Variants in MYO7B observed in about 807,000 individuals in gnomAD.
MYO7B encodes the protein myosin VIIB, also known as unconventional myosin-VIIb.
In MYO7B, 212 loss-of-function variants were observed where a neutral mutation model predicts 259.7. The ratio of observed to expected loss-of-function variants is 0.82; its 90% CI spans 0.73 to 0.91. The LOEUF is 0.91. Among genes scored for constraint, MYO7B ranks in the 40% least tolerant of loss-of-function variants. MYO7B has a pLI of 0.00. For synonymous variants in MYO7B, 1,197 were observed against 1,166.4 expected, an observed-to-expected ratio of 1.03 and a Z score of -0.54; for missense variants, 2,732 against 2,813.5, an observed-to-expected ratio of 0.97 and a Z score of 0.66.
At position 127,634,572 on chromosome 2, in the gene MYO7B, TCCCTGTACCTTC is replaced by T; in HGVS notation, c.5626-19_5626-8del. Reference sequence around the variant, plus strand: ...GACAGTCCCCGGAAGCCACCCAACTTCCCTGTACCTTCCCCTTCCCCAGGTCATCAGCCAGAA... The same window carrying T: ...GACAGTCCCCGGAAGCCACCCAACTTCCCTTCCCCAGGTCATCAGCCAGAA... On this transcript the variant is annotated splice_polypyrimidine_tract_variant and intron_variant, in intron 41 of 47. Transcript: ENST00000409816. The T allele has an allele frequency of 6.3e-7, 1 of 1,598,838 alleles. No individual in the cohort carries two copies. Among genetic ancestry groups the T allele is most frequent in the Non-Finnish European group, 8.5e-7 (1 of 1,171,168 alleles).
rs553254837 is a variant in MYO7B, at chr2:127,561,717, T to A, written c.18+1977T>A. Among the ~76,000 whole-genome samples the A allele has an allele frequency of 5.3e-5, 8 of 152,324 alleles. No individual in the cohort carries two copies. In the South Asian group the frequency reaches 1.7e-3, roughly 32 times the overall value. ...TTAAGGTTCAGAGCAGTTAAGTGACTTTCCCAAGGCCGTATAACTCCTGTA... is the reference window on the plus strand; with the variant it reads ...TTAAGGTTCAGAGCAGTTAAGTGACATTCCCAAGGCCGTATAACTCCTGTA... On this transcript the variant is annotated intron_variant, in intron 2 of 47. Coordinates refer to ENST00000409816, the MANE Select transcript of MYO7B (RefSeq NM_001393586.1).
chr2:127,634,985 G>A (rs1681721466), intron 42 of MYO7B, 135 bp from the exon 43 acceptor site: 3 of 723,926 alleles, frequency 4.1e-6, no homozygotes, highest in East Asian at 5.4e-5. Flanking sequence ...GAAGGAAAAT[G>A]TGGGGACTGG....
chr2:127,607,345 A>T lies in MYO7B; in HGVS notation c.2564A>T (p.Lys855Met). The part of the protein sequence containing the change: ...GYLVRQQVQA[K>M]RRAVVVIQAH... ...CTGGTGCGCCAGCAAGTCCAGGCCAAGAGGAGGGCAGTGGTGGTCATTCAG... is the reference window on the plus strand; with the variant it reads ...CTGGTGCGCCAGCAAGTCCAGGCCATGAGGAGGGCAGTGGTGGTCATTCAG... Residue 855 changes from lysine (K) to methionine (M), a missense_variant, in exon 21 of 48, where the codon AAG (lysine) becomes ATG (methionine). By Grantham distance (95) the Lys-to-Met change is moderately conservative. Around this residue, in one of 3 missense-constraint regions of MYO7B, gnomAD observed 1,906 missense variants for 2,026.4 expected, o/e 0.94. Coordinates refer to ENST00000409816, the MANE Select transcript of MYO7B (RefSeq NM_001393586.1). The surrounding 1 kb of genome is among the most constrained non-coding windows in gnomAD (Gnocchi z 4.4). 6.4e-7 allele frequency: 1 copy of T among 1,551,490 alleles called. No homozygotes were observed. The highest frequency in any genetic ancestry group is 2.4e-5 in the East Asian group (1 of 40,928).
chr2:127,590,989 G>A lies in MYO7B; in HGVS notation c.1992+760G>A, dbSNP rs1181159589. On this transcript the variant is annotated intron_variant, in intron 16 of 47. Coordinates refer to ENST00000409816, the MANE Select transcript of MYO7B (RefSeq NM_001393586.1). The surrounding 1 kb of genome is among the most constrained non-coding windows in gnomAD (Gnocchi z 4.6). Reference sequence around the variant, plus strand: ...CGGGAGGATTGCTTGAGGCAAGCCTGGGCAACATAGTAAGACCTTATCTCT... The same window carrying A: ...CGGGAGGATTGCTTGAGGCAAGCCTAGGCAACATAGTAAGACCTTATCTCT... 6.6e-6 allele frequency among the ~76,000 whole-genome samples: 1 copy of A among 152,190 alleles called. No individual in the cohort carries two copies. Among genetic ancestry groups the A allele is most frequent in the Non-Finnish European group, 1.5e-5 (1 of 68,036 alleles).
intron 26 of MYO7B, among the ~76,000 whole-genome samples, chr2:127,618,863 C>A (rs1680695316): frequency 6.6e-6 from 1 of 152,184 alleles, no homozygotes; most frequent in African/African-American, 2.4e-5. Context: ...GGAGGCCAGG[C>A]AGGGCTGCTA....
At chr2:127,629,551 C>T (rs917267916) in intron 34 of MYO7B, 94 bp from the exon 35 acceptor site, 14 of 1,260,894 alleles carry the variant, frequency 1.1e-5, no homozygotes, top group Admixed American at 4.8e-5. Context: ...CTCTATGCCT[C>T]GGTTTCATCT....
chr2:127,605,597 A>G (rs1053058973), intron 19 of MYO7B, among the ~76,000 whole-genome samples: 2 of 152,054 alleles, frequency 1.3e-5, no homozygotes, highest in African/African-American at 4.8e-5. Context: ...AACTCCATCT[A>G]AAAAAACAAA....
In MYO7B at chr2:127,607,134, G is replaced by C; in HGVS notation, c.2425-72G>C. On this transcript the variant is annotated intron_variant, in intron 20 of 47. Coordinates refer to ENST00000409816, the MANE Select transcript of MYO7B (RefSeq NM_001393586.1). The surrounding 1 kb of genome is among the most constrained non-coding windows in gnomAD (Gnocchi z 4.4). ...GTAAATCTATCTTGCACTGCCTCCT[G>C]GGGAGCACCCCTCTCTGTTTCCTGG... 3 of 1,409,858 alleles carry C rather than the reference G, an allele frequency of 2.1e-6. No homozygotes were observed. The South Asian group carries it at 4.1e-5, about 19-fold the overall frequency. 87.3% of individuals were successfully genotyped at this position (1,409,858 alleles called of 1,614,324 possible).
At chr2:127,558,541 C>A (rs1197925568) in intron 1 of MYO7B, among the ~76,000 whole-genome samples, 1 of 152,198 alleles carries the variant, frequency 6.6e-6, no homozygotes, top group African/African-American at 2.4e-5. Flanking sequence ...AAGATACTTG[C>A]ACGCACATGT....
At chr2:127,629,587 C>T in intron 34 of MYO7B, 58 bp from the exon 35 acceptor site, 1 of 1,522,808 alleles carries the variant, frequency 6.6e-7, no homozygotes. Context: ...CCACAAAATT[C>T]CAGCACAGCC....
At chr2:127,601,041 A>C (rs1216973538) in intron 19 of MYO7B, among the ~76,000 whole-genome samples, 1 of 152,198 alleles carries the variant, frequency 6.6e-6, no homozygotes, top group South Asian at 2.1e-4. Context: ...ATTCACTTTC[A>C]CTCAGAAGAA....
chr2:127,631,391 C>A (rs1183054130), intron 37 of MYO7B, 28 bp downstream of exon 37: 1 of 1,590,784 alleles, frequency 6.3e-7, no homozygotes, highest in Non-Finnish European at 8.6e-7. Flanking sequence ...CCTGCCTGCA[C>A]CTCGTCAATG....
At position 127,614,262 on chromosome 2, in the gene MYO7B, A is replaced by C. The variant is rs1391320803; in HGVS notation, c.3398+1659A>C. Among the ~76,000 whole-genome samples, 1 of 151,716 alleles carries C rather than the reference A, an allele frequency of 6.6e-6. No individual in the cohort carries two copies. Among genetic ancestry groups the C allele is most frequent in the East Asian group, 1.9e-4 (1 of 5,170 alleles). ...ACTGATCCCTTGAGACTTCCTACTG[A>C]CTCTAGGCTGAAGTGGAACATCCCA... is the stretch of plus-strand genomic sequence containing the variant. On this transcript the variant is annotated intron_variant, in intron 26 of 47. Transcript: ENST00000409816. The surrounding 1 kb of genome is among the most constrained non-coding windows in gnomAD (Gnocchi z 4.6).
chr2:127,629,480 T>C (rs1335065262), intron 34 of MYO7B, among the ~76,000 whole-genome samples, 165 bp from the exon 35 acceptor site: 4 of 152,174 alleles, frequency 2.6e-5, no homozygotes, highest in Non-Finnish European at 5.9e-5. Context: ...GACAGCCGTC[T>C]GAGGCCCCTG....
At position 127,611,024 on chromosome 2, in the gene MYO7B, C is replaced by A. The variant is rs1476799835; in HGVS notation, c.3192+1008C>A. On this transcript the variant is annotated intron_variant, in intron 24 of 47. Transcript: ENST00000409816. The surrounding 1 kb of genome is among the most constrained non-coding windows in gnomAD (Gnocchi z 5.4). ...GCAGCTTAGCTGCATAGTCCCAGTT[C>A]AGGGTCCCTCATGAGGTTGCTGTCA... 6.6e-6 allele frequency among the ~76,000 whole-genome samples: 1 copy of A among 152,250 alleles called. No individual in the cohort carries two copies. Among genetic ancestry groups the A allele is most frequent in the Non-Finnish European group, 1.5e-5 (1 of 68,048 alleles).
chr2:127,601,145 T>A lies in MYO7B; in HGVS notation c.2339+4589T>A, dbSNP rs114454709. 4.4e-3 allele frequency among the ~76,000 whole-genome samples: 663 copies of A among 152,374 alleles called. 2 individuals carry two copies. Among genetic ancestry groups the A allele is most frequent in the Non-Finnish European group, 7.7e-3 (527 of 68,026 alleles). On this transcript the variant is annotated intron_variant, in intron 19 of 47. Transcript: ENST00000409816. The stretch of plus-strand genomic sequence containing the variant: ...GAGATTTTTCTGTTATCATTTTGTC[T>A]TTGACTTCTAGTTTGATTTCACTAT...
chr2:127,637,116 C>T (rs1426955302), intron 47 of MYO7B, 200 bp from the exon 48 acceptor site: 1 of 1,031,314 alleles, frequency 9.7e-7, no homozygotes, highest in Non-Finnish European at 1.5e-6. Flanking sequence ...CCCCCTGCGC[C>T]CTTGGCCCAT....
At chr2:127,581,759 C>T (rs552052650) in intron 10 of MYO7B, 132 bp from the exon 11 acceptor site, 27 of 1,278,318 alleles carry the variant, frequency 2.1e-5, no homozygotes, top group African/African-American at 1.0e-4. Flanking sequence ...GCCCTGGCCT[C>T]GGGCAGCGCC....
chr2:127,545,809 G>A (rs979884864), intron 1 of MYO7B, among the ~76,000 whole-genome samples: 1 of 152,232 alleles, frequency 6.6e-6, no homozygotes, highest in African/African-American at 2.4e-5. Flanking sequence ...TGCTGCTCTT[G>A]TAATGATACC....
Sources: allele counts gnomAD v4.1 joint callset (sites outside exome capture counted in the v4.1 genomes callset), GRCh38; gene constraint gnomAD v4.1.1; regional missense constraint gnomAD v4.1.1; non-coding constraint Gnocchi (gnomAD v3.1); transcripts MANE v1.5; gene names NCBI Gene and HGNC (gene_info 2026-07-23, HGNC 2026-07-21).